HDAC9: variants seen among roughly 807,000 people sequenced by gnomAD.
The protein encoded by HDAC9 is MEF-2 interacting transcription repressor (MITR) protein.
In HDAC9, 41 loss-of-function variants were observed where a neutral mutation model predicts 139.4. The ratio of observed to expected loss-of-function variants is 0.29; its 90% confidence interval spans 0.23 to 0.38. The LOEUF (loss-of-function observed/expected upper bound fraction) is 0.38, where lower values mean the gene tolerates loss of function less well. Ranked by LOEUF, HDAC9 falls within the 10% of genes least tolerant of loss-of-function variation. The pLI is 1.00. For missense variants in HDAC9, 1,147 were observed against 1,297.0 expected, an observed-to-expected ratio of 0.88 and a Z score of 1.78; for synonymous variants, 517 against 476.2, an observed-to-expected ratio of 1.09 and a Z score of -1.12.
intron 1 of HDAC9, among the ~76,000 whole-genome samples, chr7:18,420,410 G>A (rs1409285220): frequency 6.6e-6 from 1 of 152,146 alleles, no homozygotes; most frequent in African/African-American, 2.4e-5. Context: ...AATCACTCTA[G>A]GTTTGAAGGA....
chr7:18,858,742 C>T (rs1797874510), intron 21 of HDAC9, among the ~76,000 whole-genome samples: 2 of 152,156 alleles, frequency 1.3e-5, no homozygotes, highest in South Asian at 4.1e-4. Flanking sequence ...ATGGAAATTT[C>T]GTACTTTGTG....
intron 12 of HDAC9, among the ~76,000 whole-genome samples, chr7:18,678,947 C>T (rs1209694131): frequency 6.6e-6 from 1 of 152,034 alleles, no homozygotes; most frequent in South Asian, 2.1e-4. Context: ...TTCTCTCTTG[C>T]TCCCTAATTT....
At chr7:18,691,968 TTG>T (rs1782706010) in intron 12 of HDAC9, among the ~76,000 whole-genome samples, 1 of 152,012 alleles carries the variant, frequency 6.6e-6, no homozygotes, top group Non-Finnish European at 1.5e-5. Flanking sequence ...TGATCACATC[TTG>T]TGTTTGAGAC....
intron 1 of HDAC9, among the ~76,000 whole-genome samples, chr7:18,090,146 G>A (rs554277093): frequency 1.3e-5 from 2 of 152,208 alleles, no homozygotes; most frequent in African/African-American, 4.8e-5. Flanking sequence ...CTCATTTTAG[G>A]AAGGAGGCGG....
chr7:18,250,345 T>G (rs1794840128), intron 2 of HDAC9, among the ~76,000 whole-genome samples: 1 of 152,224 alleles, frequency 6.6e-6, no homozygotes. Flanking sequence ...GCATGTTCTT[T>G]CCAGTACAGT....
chr7:18,554,207 A>T (rs1291581980), intron 2 of HDAC9, among the ~76,000 whole-genome samples: 1 of 151,098 alleles, frequency 6.6e-6, no homozygotes, highest in African/African-American at 2.4e-5. Flanking sequence ...ATAGAACTGT[A>T]TTGTCTATAT....
chr7:18,283,370 C>T (rs1317388141), intron 2 of HDAC9, among the ~76,000 whole-genome samples: 1 of 152,130 alleles, frequency 6.6e-6, no homozygotes, highest in Admixed American at 6.5e-5. Flanking sequence ...TCTCACCAGG[C>T]CCCTCCACCA....
intron 6 of HDAC9, among the ~76,000 whole-genome samples, chr7:18,625,351 A>G (rs1562632172): frequency 6.6e-6 from 1 of 152,136 alleles, no homozygotes; most frequent in African/African-American, 2.4e-5. Flanking sequence ...AGAGCAGTAC[A>G]ATTATTAACA....
At chr7:18,868,063 A>G (rs973361968) in intron 21 of HDAC9, among the ~76,000 whole-genome samples, 3 of 152,058 alleles carry the variant, frequency 2.0e-5, no homozygotes, top group Admixed American at 6.6e-5. Context: ...TGTTGTCTGA[A>G]CTTTATCTGT....
chr7:18,346,141 T>C (rs964961432), intron 1 of HDAC9, among the ~76,000 whole-genome samples: 6 of 152,174 alleles, frequency 3.9e-5, no homozygotes, highest in Non-Finnish European at 8.8e-5. Flanking sequence ...AAAAGTTATG[T>C]TATGGCCCAT....
At chr7:18,711,784 T>C (rs1163749968) in intron 12 of HDAC9, among the ~76,000 whole-genome samples, 1 of 152,228 alleles carries the variant, frequency 6.6e-6, no homozygotes, top group African/African-American at 2.4e-5. Flanking sequence ...ATAAATCTCA[T>C]ATGACACAGT....
intron 1 of HDAC9, among the ~76,000 whole-genome samples, chr7:18,137,692 C>T (rs1356948757): frequency 2.6e-5 from 4 of 151,650 alleles, no homozygotes; most frequent in African/African-American, 4.8e-5. Context: ...TGATGTGCTG[C>T]TGGATTCGTT....
At chr7:18,719,821 C>T (rs543824285) in intron 12 of HDAC9, among the ~76,000 whole-genome samples, 12 of 152,170 alleles carry the variant, frequency 7.9e-5, no homozygotes, top group East Asian at 5.8e-4. Context: ...TATTCCTTTG[C>T]GAAAATGCGA....
intron 12 of HDAC9, among the ~76,000 whole-genome samples, chr7:18,670,817 ATC>A (rs1428158003): frequency 6.6e-6 from 1 of 150,768 alleles, no homozygotes; most frequent in Non-Finnish European, 1.5e-5. Context: ...TTGATCAATA[ATC>A]TTTTTTTAAT....
intron 1 of HDAC9, among the ~76,000 whole-genome samples, chr7:18,374,417 G>C (rs571594830): frequency 7.9e-5 from 12 of 152,098 alleles, no homozygotes; most frequent in African/African-American, 2.9e-4. Context: ...CACAAGCCTA[G>C]AGAGTATAGC....
intron 2 of HDAC9, among the ~76,000 whole-genome samples, chr7:18,580,541 C>T (rs1030562125): frequency 2.0e-5 from 3 of 152,180 alleles, no homozygotes; most frequent in Non-Finnish European, 1.5e-5. Flanking sequence ...CTAGCTTCAT[C>T]GTAGTCCTTT....
chr7:18,248,821 T>C (rs1430801324), intron 2 of HDAC9, among the ~76,000 whole-genome samples: 1 of 152,134 alleles, frequency 6.6e-6, no homozygotes, highest in East Asian at 2.0e-4. Context: ...GAGAGCTAGA[T>C]TCATTCATTC....
chr7:18,676,042 T>G (rs1276316324), intron 12 of HDAC9, among the ~76,000 whole-genome samples: 1 of 151,124 alleles, frequency 6.6e-6, no homozygotes, highest in Non-Finnish European at 1.5e-5. Context: ...ACGGAGGATC[T>G]TTGGATAAGC....
intron 10 of HDAC9, among the ~76,000 whole-genome samples, chr7:18,648,259 C>A (rs1788052783): frequency 6.6e-6 from 1 of 152,096 alleles, no homozygotes; most frequent in Non-Finnish European, 1.5e-5. Context: ...GCGTACCTGT[C>A]CAATGCCTTG....
Sources: allele counts gnomAD v4.1 joint callset (sites outside exome capture counted in the v4.1 genomes callset), GRCh38; gene constraint gnomAD v4.1.1; transcripts MANE v1.5; gene names NCBI Gene and HGNC (gene_info 2026-07-23, HGNC 2026-07-21).